CSMD1: variants seen among roughly 807,000 people sequenced by gnomAD.
The protein encoded by CSMD1 is CUB and sushi domain-containing protein 1.
A neutral mutation model predicts 417.5 loss-of-function variants in CSMD1; 213 were observed. The ratio of observed to expected loss-of-function variants is 0.51; its 90% CI spans 0.46 to 0.57. The LOEUF (loss-of-function observed/expected upper bound fraction) is 0.57. Ranked by LOEUF, CSMD1 falls within the 20% of genes least tolerant of loss-of-function variation. The pLI is 0.00. For missense variants in CSMD1, 6,923 were observed against 4,529.7 expected, an observed-to-expected ratio of 1.53 and a Z score of -15.17; for synonymous variants, 2,862 against 1,736.8, an observed-to-expected ratio of 1.65 and a Z score of -16.11.
intron 5 of CSMD1, among the ~76,000 whole-genome samples, chr8:3,865,053 A>G (rs562892942): frequency 2.0e-5 from 3 of 152,054 alleles, no homozygotes; most frequent in South Asian, 2.1e-4. Flanking sequence ...CTTTGATTCT[A>G]TTTCTCGGCA....
chr8:4,388,509 A>G lies in CSMD1; in HGVS notation c.415+31444T>C, dbSNP rs191237879. 2.1e-3 allele frequency among the ~76,000 whole-genome samples: 323 copies of G among 150,686 alleles called. 2 individuals are homozygous for G. Among genetic ancestry groups the G allele is most frequent in the Non-Finnish European group, 4.0e-3 (270 of 67,676 alleles). On this transcript the variant is annotated intron_variant, in intron 3 of 69. Coordinates refer to ENST00000635120, the MANE Select transcript of CSMD1 (RefSeq NM_033225.6). Reference sequence around the variant, plus strand: ...TATGTGGGAGGTAAGTTGTGAGCATACAAAGGGCATAAGAAGGATACAGTG... The same window carrying G: ...TATGTGGGAGGTAAGTTGTGAGCATGCAAAGGGCATAAGAAGGATACAGTG...
At chr8:3,424,815 A>G (rs530468394) in intron 12 of CSMD1, among the ~76,000 whole-genome samples, 1 of 152,318 alleles carries the variant, frequency 6.6e-6, no homozygotes, top group Non-Finnish European at 1.5e-5. Flanking sequence ...TGAAATTGGC[A>G]TATTGTTATC....
rs936910114 is a variant in CSMD1 at position 4,416,024 on chromosome 8, T to G, written c.415+3929A>C. On this transcript the variant is annotated intron_variant, in intron 3 of 69. Coordinates refer to ENST00000635120, the MANE Select transcript of CSMD1 (RefSeq NM_033225.6). ...TCTACGTGATAATAATAGATCACCT[T>G]ATTTCACTTAGACAATTTCCGTGAA... is the stretch of plus-strand genomic sequence containing the variant. Among the ~76,000 whole-genome samples the G allele has an allele frequency of 2.0e-5, 3 of 152,212 alleles. No homozygotes were observed. In the East Asian group the frequency reaches 5.8e-4, roughly 29 times the overall value.
chr8:4,844,744 C>T (rs1255676872), intron 1 of CSMD1, among the ~76,000 whole-genome samples: 3 of 152,152 alleles, frequency 2.0e-5, no homozygotes, highest in Non-Finnish European at 4.4e-5. Flanking sequence ...ATTTCAAAAC[C>T]ATCTCAGTGA....
chr8:3,668,631 C>T (rs186323522), intron 7 of CSMD1, among the ~76,000 whole-genome samples: 1 of 152,044 alleles, frequency 6.6e-6, no homozygotes, highest in East Asian at 1.9e-4. Flanking sequence ...AAGAGACGAT[C>T]CTGAACAGAG....
chr8:4,142,847 G>T (rs1203417565), intron 3 of CSMD1, among the ~76,000 whole-genome samples: 2 of 151,042 alleles, frequency 1.3e-5, no homozygotes, highest in African/African-American at 2.5e-5. Context: ...AAATTGTTGT[G>T]CTGTTTCTAA....
intron 5 of CSMD1, among the ~76,000 whole-genome samples, chr8:3,885,051 C>G (rs1027813862): frequency 2.6e-5 from 4 of 151,792 alleles, no homozygotes; most frequent in Non-Finnish European, 4.4e-5. Context: ...GACCTAGTGT[C>G]TATGATTCTA....
chr8:3,731,797 G>C (rs998462556), intron 6 of CSMD1, among the ~76,000 whole-genome samples: 1 of 152,082 alleles, frequency 6.6e-6, no homozygotes, highest in Non-Finnish European at 1.5e-5. Context: ...CTTATGTTTT[G>C]GACATGTGAT....
chr8:3,664,842 GT>G (rs1432244063), intron 7 of CSMD1, among the ~76,000 whole-genome samples: 11 of 152,216 alleles, frequency 7.2e-5, no homozygotes, highest in Admixed American at 3.3e-4. Context: ...AAGTTTAGCA[GT>G]AAAGCCAGAC....
At position 4,976,585 on chromosome 8, in the gene CSMD1, G is replaced by T. The variant is rs141031361; in HGVS notation, c.85+17747C>A. 4.7e-3 allele frequency among the ~76,000 whole-genome samples: 721 copies of T among 152,218 alleles called. 1 individual carries two copies. Among genetic ancestry groups the T allele is most frequent in the Middle Eastern group, 0.01 (3 of 294 alleles). ...TTGTTGTTAGTATGTCCAAAATAAT[G>T]CAACAATTTATAAACAGCTTAAAGA... On this transcript the variant is annotated intron_variant, in intron 1 of 69. Coordinates refer to ENST00000635120, the MANE Select transcript of CSMD1 (RefSeq NM_033225.6).
chr8:3,700,232 AC>A (rs1800781063), intron 7 of CSMD1, among the ~76,000 whole-genome samples: 1 of 152,086 alleles, frequency 6.6e-6, no homozygotes. Flanking sequence ...ACCATATACC[AC>A]CTGTACCCCA....
intron 5 of CSMD1, among the ~76,000 whole-genome samples, chr8:3,788,015 G>A (rs1300233260): frequency 6.6e-6 from 1 of 152,150 alleles, no homozygotes; most frequent in Non-Finnish European, 1.5e-5. Flanking sequence ...GTAAAAAAGA[G>A]GTGTCTTTGG....
chr8:3,681,697 G>C (rs1162227065), intron 7 of CSMD1, among the ~76,000 whole-genome samples: 3 of 152,076 alleles, frequency 2.0e-5, no homozygotes, highest in Admixed American at 2.0e-4. Context: ...CTACTTTAAA[G>C]TTCATGTGGA....
intron 5 of CSMD1, among the ~76,000 whole-genome samples, chr8:3,943,140 A>T (rs192391652): frequency 1.3e-5 from 2 of 152,150 alleles, no homozygotes; most frequent in Admixed American, 1.3e-4. Flanking sequence ...AGCTGAATGC[A>T]TTGTTATCTT....
Position 4,622,737 on chromosome 8 carries a change from C to T in CSMD1, c.302+14605G>A, listed in dbSNP as rs143879474. Among the ~76,000 whole-genome samples the T allele has an allele frequency of 5.3e-4, 80 of 152,196 alleles. 1 individual carries two copies. In the East Asian group the frequency reaches 0.014, roughly 27 times the overall value. On this transcript the variant is annotated intron_variant, in intron 2 of 69. Coordinates refer to ENST00000635120, the MANE Select transcript of CSMD1 (RefSeq NM_033225.6). ...CCTGTGCCTGTGTTCCTCACTTTTACCACTTCCGTGCAACATTGTACTGAA... is the reference window on the plus strand; with the variant it reads ...CCTGTGCCTGTGTTCCTCACTTTTATCACTTCCGTGCAACATTGTACTGAA...
At chr8:3,926,082 T>TACACAC (rs58966907) in intron 5 of CSMD1, among the ~76,000 whole-genome samples, 14 of 103,998 alleles carry the variant, frequency 1.3e-4, no homozygotes, top group East Asian at 9.4e-4. Flanking sequence ...ACAAACACCA[T>TACACAC]ACACACACAC....
intron 5 of CSMD1, among the ~76,000 whole-genome samples, chr8:3,988,904 T>A (rs981774711): frequency 1.3e-5 from 2 of 152,232 alleles, no homozygotes; most frequent in East Asian, 3.8e-4. Flanking sequence ...GTAAGATCAA[T>A]GTTTTAAAAG....
intron 2 of CSMD1, among the ~76,000 whole-genome samples, chr8:4,625,833 C>T (rs983653680): frequency 6.6e-6 from 1 of 152,104 alleles, no homozygotes; most frequent in Admixed American, 6.5e-5. Context: ...AAGCTATTCT[C>T]ATACCTGAGC....
chr8:3,603,827 A>G (rs1026480906), intron 8 of CSMD1, among the ~76,000 whole-genome samples: 1 of 152,218 alleles, frequency 6.6e-6, no homozygotes, highest in Non-Finnish European at 1.5e-5. Flanking sequence ...TCATAATCCA[A>G]TGATGTCCAT....
Sources: gnomAD v4.1 joint callset for allele counts (sites outside exome capture counted in the v4.1 genomes callset) on GRCh38, gnomAD v4.1.1 for gene constraint, MANE v1.5 for transcripts, NCBI Gene and HGNC (gene_info 2026-07-23, HGNC 2026-07-21) for gene names.